USP48: variants seen among roughly 807,000 people sequenced by gnomAD.
USP48 encodes the protein ubiquitin specific peptidase 48.
Under a neutral mutation model 150.7 loss-of-function variants are expected in USP48, and 43 were observed. The observed-to-expected ratio is 0.29, with a 90% CI of 0.22 to 0.37. The LOEUF (loss-of-function observed/expected upper bound fraction) is 0.37, where lower values mean the gene tolerates loss of function less well. Among genes scored for constraint, USP48 ranks in the 10% least tolerant of loss-of-function variants. The probability of loss-of-function intolerance (pLI) is 1.00; values close to 1 mark genes in which losing one functional copy is unlikely to be tolerated. For synonymous variants in USP48, 396 were observed against 425.9 expected (o/e 0.93, Z 0.86); for missense variants, 813 against 1,249.6 (o/e 0.65, Z 5.27).
chr1:21,722,455 C>T (rs1000152195), intron 12 of USP48, among the ~76,000 whole-genome samples: 2 of 150,798 alleles, frequency 1.3e-5, no homozygotes, highest in Non-Finnish European at 2.9e-5. Context: ...GGGAGGACTG[C>T]TTAAGCCTAG....
chr1:21,684,540 T>G (rs921476068), intron 25 of USP48, among the ~76,000 whole-genome samples: 1 of 152,234 alleles, frequency 6.6e-6, no homozygotes, highest in Non-Finnish European at 1.5e-5. Flanking sequence ...GTGCAGAAGC[T>G]TTTTAGTTTA....
chr1:21,759,573 T>G (rs1354230695), intron 1 of USP48, among the ~76,000 whole-genome samples: 3 of 152,144 alleles, frequency 2.0e-5, no homozygotes, highest in Non-Finnish European at 4.4e-5. Context: ...CATCTTACTG[T>G]GCCCTAAAAT....
chr1:21,679,458 G>A lies in USP48; in HGVS notation c.3086-19C>T, dbSNP rs376642031. 18 of 1,613,688 alleles carry A rather than the reference G, an allele frequency of 1.1e-5. No homozygotes were observed. In the East Asian group the frequency reaches 1.6e-4, roughly 14 times the overall value. On this transcript the variant is annotated intron_variant, in intron 26 of 26. Coordinates refer to ENST00000308271, the MANE Select transcript of USP48 (RefSeq NM_032236.8). ...CCAGTACCTGGGAAAAGAAACACAC[G>A]TGGAGGGATAGTTGTGAACTACAGA...
chr1:21,685,960 T>C (rs2097579381), intron 25 of USP48: 2 of 152,118 alleles, frequency 1.3e-5, no homozygotes, highest in East Asian at 1.9e-4. Context: ...CTAGTAAAAA[T>C]ACAAAAATTA....
intron 4 of USP48, 28 bp downstream of exon 4, chr1:21,752,964 T>C: frequency 7.9e-7 from 1 of 1,271,106 alleles, no homozygotes; most frequent in Non-Finnish European, 1.1e-6. Flanking sequence ...TCTGAATATT[T>C]AAAAAAAAAA....
chr1:21,701,448 C>G lies in USP48; in HGVS notation c.2727+50G>C, dbSNP rs769959943. 12 of 1,525,264 alleles carry G rather than the reference C, an allele frequency of 7.9e-6. No homozygotes were observed. In the East Asian group the frequency reaches 2.7e-4, roughly 35 times the overall value. 94.5% of individuals were successfully genotyped at this position (1,525,264 alleles called of 1,614,324 possible). A position where few individuals can be genotyped will look rare whatever the true frequency, so the allele number is the denominator to read the frequency against. On this transcript the variant is annotated intron_variant, in intron 22 of 26. Transcript: ENST00000308271. ...TGGCCAGGGGCTTCGAGTGGCTGCT[C>G]TATAAGAACAGCAGAAAGTATAACA...
At chr1:21,773,667 T>C (rs2097888885) in intron 1 of USP48, among the ~76,000 whole-genome samples, 1 of 152,214 alleles carries the variant, frequency 6.6e-6, no homozygotes, top group South Asian at 2.1e-4. Flanking sequence ...TATGAACTTT[T>C]GACATCTATC....
At chr1:21,684,533 CAGA>C (rs2097575535) in intron 25 of USP48, among the ~76,000 whole-genome samples, 1 of 152,178 alleles carries the variant, frequency 6.6e-6, no homozygotes, top group South Asian at 2.1e-4. Context: ...CTTTGCTGTG[CAGA>C]AGCTTTTTAG....
At chr1:21,755,898 G>A (rs2097832051) in intron 3 of USP48, among the ~76,000 whole-genome samples, 1 of 152,092 alleles carries the variant, frequency 6.6e-6, no homozygotes, top group Admixed American at 6.5e-5. Flanking sequence ...AGGCACAGTG[G>A]CTCACACCTG....
At chr1:21,700,390 G>T (rs2097651973) in intron 22 of USP48, among the ~76,000 whole-genome samples, 1 of 152,096 alleles carries the variant, frequency 6.6e-6, no homozygotes, top group African/African-American at 2.4e-5. Flanking sequence ...CACCGGTTGG[G>T]AAACCACAAG....
At chr1:21,778,083 C>T (rs1238786913) in intron 1 of USP48, among the ~76,000 whole-genome samples, 1 of 150,248 alleles carries the variant, frequency 6.7e-6, no homozygotes, top group African/African-American at 2.4e-5. Flanking sequence ...GCGGAGGTTA[C>T]AGTGAGCCGA....
In USP48 at chr1:21,782,899, G is replaced by A; in HGVS notation, c.59C>T (p.Pro20Leu). 1 of 1,553,696 alleles carries A rather than the reference G, an allele frequency of 6.4e-7. No homozygotes were observed. The highest frequency in any genetic ancestry group is 8.7e-7 in the Non-Finnish European group (1 of 1,150,258). The stretch of plus-strand genomic sequence containing the variant: ...GATGTGCTCCTGCGACACCTCCTCG[G>A]GCCGCACCGTCTCCGCCCAGCGCCA... Reference protein sequence around the residue: ...AAWRWAETVRPEEVSQEHIET... With the variant: ...AAWRWAETVRLEEVSQEHIET... Residue 20 changes from proline (P) to leucine (L), a missense_variant, in exon 1 of 27, where the codon CCC (proline) becomes CTC (leucine). Coordinates refer to ENST00000308271, the MANE Select transcript of USP48 (RefSeq NM_032236.8).
At chr1:21,699,209 T>C (rs1210559819) in intron 22 of USP48, among the ~76,000 whole-genome samples, 1 of 143,924 alleles carries the variant, frequency 6.9e-6, no homozygotes, top group Admixed American at 6.9e-5. Context: ...TTTTTTTTTT[T>C]TTTTTTTGAG....
intron 15 of USP48, among the ~76,000 whole-genome samples, chr1:21,708,961 G>A (rs1379251823): frequency 2.7e-5 from 4 of 150,258 alleles, no homozygotes; most frequent in Non-Finnish European, 5.9e-5. Flanking sequence ...CTGGGCTGGA[G>A]TACAGTGGCA....
At chr1:21,777,720 T>C (rs2097903249) in intron 1 of USP48, among the ~76,000 whole-genome samples, 1 of 151,894 alleles carries the variant, frequency 6.6e-6, no homozygotes, top group Non-Finnish European at 1.5e-5. Context: ...TACATCAACA[T>C]GAAAAGCTTT....
intron 14 of USP48, among the ~76,000 whole-genome samples, chr1:21,716,193 C>T (rs544687399): frequency 6.6e-6 from 1 of 152,308 alleles, no homozygotes; most frequent in Non-Finnish European, 1.5e-5. Flanking sequence ...CTTACTTCCA[C>T]CGTTCCACTT....
At chr1:21,770,068 A>C (rs1198825008) in intron 1 of USP48, among the ~76,000 whole-genome samples, 1 of 151,882 alleles carries the variant, frequency 6.6e-6, no homozygotes, top group Non-Finnish European at 1.5e-5. Context: ...CATGCTTATA[A>C]TCCCAGCACT....
intron 18 of USP48, 41 bp from the exon 19 acceptor site, chr1:21,705,878 T>C (rs768112523): frequency 1.2e-5 from 18 of 1,451,952 alleles, no homozygotes; most frequent in African/African-American, 2.9e-5. Flanking sequence ...ACCTAATTAC[T>C]GCATGACGAA....
intron 22 of USP48, among the ~76,000 whole-genome samples, chr1:21,699,216 T>G (rs1203120770): frequency 6.2e-4 from 55 of 89,214 alleles, no homozygotes; most frequent in African/African-American, 2.0e-3. Flanking sequence ...TTTTTTTTTT[T>G]GAGGCTGAGT....
Sources: allele counts gnomAD v4.1 joint callset (sites outside exome capture counted in the v4.1 genomes callset), GRCh38; gene constraint gnomAD v4.1.1; transcripts MANE v1.5; gene names NCBI Gene and HGNC (gene_info 2026-07-23, HGNC 2026-07-21).